The following ATP11C variants were observed in gnomAD, a reference collection of about 807,000 sequenced individuals.
The protein encoded by ATP11C is phospholipid-transporting ATPase IG.
In ATP11C, 36 loss-of-function variants were observed where a neutral mutation model predicts 97.4. The ratio of observed to expected loss-of-function variants is 0.37; its 90% CI spans 0.28 to 0.49. ATP11C has a LOEUF of 0.49. ATP11C is among the 20% of genes least tolerant of loss of function. ATP11C has a pLI of 0.98. For synonymous variants in ATP11C, 275 were observed against 290.9 expected, an observed-to-expected ratio of 0.95 and a Z score of 0.56; for missense variants, 730 against 824.6, an observed-to-expected ratio of 0.89 and a Z score of 1.40.
intron 1 of ATP11C, among the ~76,000 whole-genome samples, chrX:139,902,563 A>G (rs964774749): frequency 8.9e-6 from 1 of 112,161 alleles, no homozygotes; most frequent in Non-Finnish European, 1.9e-5. Flanking sequence ...TACAAGTGTT[A>G]GAACAGCAGG....
At chrX:139,900,474 T>C (rs2084882624) in intron 1 of ATP11C, among the ~76,000 whole-genome samples, 1 of 112,130 alleles carries the variant, frequency 8.9e-6, no homozygotes, top group Admixed American at 9.5e-5. Flanking sequence ...TTTGTCCTTT[T>C]ACAATAAACA....
chrX:139,934,027 AG>A (rs1473567860), upstream of ATP11C, among the ~76,000 whole-genome samples: 28 of 111,720 alleles, frequency 2.5e-4, no homozygotes, highest in African/African-American at 8.8e-4. Flanking sequence ...AAAGCCCTGG[AG>A]ATTAAACTAG....
chrX:139,858,997 G>C (rs1398929669), intron 1 of ATP11C, among the ~76,000 whole-genome samples: 3 of 112,340 alleles, frequency 2.7e-5, no homozygotes, highest in Non-Finnish European at 5.6e-5. Flanking sequence ...ACTTTACTTT[G>C]ATTTTAGAAA....
At chrX:139,858,540 A>C (rs903630601) in intron 1 of ATP11C, among the ~76,000 whole-genome samples, 11 of 112,362 alleles carry the variant, frequency 9.8e-5, no homozygotes, top group Non-Finnish European at 1.5e-4. Context: ...CTACAGCCCC[A>C]GACTTCTCTT....
At chrX:139,837,815 G>A (rs1357835974) in intron 1 of ATP11C, among the ~76,000 whole-genome samples, 1 of 112,141 alleles carries the variant, frequency 8.9e-6, no homozygotes, top group Non-Finnish European at 1.9e-5. Flanking sequence ...GTGTACTTGA[G>A]TATTCTACAA....
intron 7 of ATP11C, among the ~76,000 whole-genome samples, chrX:139,800,893 C>T: frequency 8.9e-6 from 1 of 112,243 alleles, no homozygotes; most frequent in South Asian, 3.7e-4. Flanking sequence ...AATATGAAGG[C>T]TTGCTCATTC....
At chrX:139,858,190 A>T (rs1479526244) in intron 1 of ATP11C, among the ~76,000 whole-genome samples, 1 of 112,628 alleles carries the variant, frequency 8.9e-6, no homozygotes, top group East Asian at 2.8e-4. Context: ...TAAGAAATCA[A>T]TTTATTTTCA....
At chrX:139,931,946 T>A in intron 1 of ATP11C, 70 bp downstream of exon 1, 2 of 1,103,676 alleles carry the variant, frequency 1.8e-6, no homozygotes, top group Non-Finnish European at 2.4e-6. Flanking sequence ...AAAATTGTTG[T>A]GAGGGACCCG....
intron 2 of ATP11C, among the ~76,000 whole-genome samples, chrX:139,822,394 G>GT (rs1232351743): frequency 3.0e-5 from 3 of 101,013 alleles, no homozygotes; most frequent in African/African-American, 4.1e-5. Context: ...TGTTTTTTGG[G>GT]TTTTTTTTGT....
chrX:139,921,315 G>C, intron 1 of ATP11C, among the ~76,000 whole-genome samples: 1 of 111,197 alleles, frequency 9.0e-6, no homozygotes. Flanking sequence ...TTTTCCCCAT[G>C]TTCTCGTGAT....
intron 26 of ATP11C, among the ~76,000 whole-genome samples, chrX:139,742,159 G>T (rs950128374): frequency 9.0e-6 from 1 of 111,523 alleles, no homozygotes; most frequent in Admixed American, 9.5e-5. Context: ...GAAAAAAGGA[G>T]GGGGGAGGCG....
At chrX:139,751,718 C>CA (rs1042958214) in intron 23 of ATP11C, among the ~76,000 whole-genome samples, 1 of 109,977 alleles carries the variant, frequency 9.1e-6, no homozygotes, top group Non-Finnish European at 1.9e-5. Context: ...AGAATATCCC[C>CA]AAAACAAACA....
chrX:139,851,812 T>G (rs777479196), intron 1 of ATP11C, among the ~76,000 whole-genome samples: 10 of 112,370 alleles, frequency 8.9e-5, no homozygotes, highest in African/African-American at 3.2e-4. Flanking sequence ...GTTTTGGACT[T>G]ACTGGGGATG....
intron 1 of ATP11C, among the ~76,000 whole-genome samples, chrX:139,908,494 T>C (rs1019078158): frequency 8.9e-6 from 1 of 112,599 alleles, no homozygotes; most frequent in Non-Finnish European, 1.9e-5. Context: ...TGTTTTTATT[T>C]ACCACTTGGT....
intron 5 of ATP11C, among the ~76,000 whole-genome samples, chrX:139,807,953 T>TAA (rs60059544): frequency 0.05 from 3,844 of 76,782 alleles, 315 homozygotes; most frequent in African/African-American, 0.18. Flanking sequence ...CCCTGTCTCT[T>TAA]AAAAAAAAAA....
chrX:139,840,706 T>C lies in ATP11C; in HGVS notation c.28-13883A>G, dbSNP rs1313333271. 4.5e-5 allele frequency among the ~76,000 whole-genome samples: 5 copies of C among 111,980 alleles called. No individual in the cohort carries two copies. The Admixed American group carries it at 4.7e-4, about 11-fold the overall frequency. On this transcript the variant is annotated intron_variant, in intron 1 of 29. Transcript: ENST00000682941. ...CAGAGGCTGGGCATAAGACAAACAT[T>C]CAAATCAGCCAGTCATGAGCTGTTC...
chrX:139,917,955 CAAAAAAAAAAAAAAA>C (rs774133039), intron 1 of ATP11C, among the ~76,000 whole-genome samples: 3 of 38,403 alleles, frequency 7.8e-5, no homozygotes, highest in African/African-American at 9.6e-5. Context: ...GGCTTTGTCT[CAAAAAAAAAAAAAAA>C]AAAAAAAAAA....
At chrX:139,759,540 T>C (rs2081998783) in intron 22 of ATP11C, among the ~76,000 whole-genome samples, 1 of 111,085 alleles carries the variant, frequency 9.0e-6, no homozygotes, top group Non-Finnish European at 1.9e-5. Flanking sequence ...AACACTAATC[T>C]AGTTGAATTA....
At chrX:139,807,112 C>A (rs898772960) in intron 5 of ATP11C, among the ~76,000 whole-genome samples, 5 of 111,045 alleles carry the variant, frequency 4.5e-5, no homozygotes, top group African/African-American at 1.6e-4. Flanking sequence ...ATGAGAAAAC[C>A]AAGAAATCAT....
Sources: gnomAD v4.1 joint callset for allele counts (sites outside exome capture counted in the v4.1 genomes callset) on GRCh38, gnomAD v4.1.1 for gene constraint, MANE v1.5 for transcripts, NCBI Gene and HGNC (gene_info 2026-07-23, HGNC 2026-07-21) for gene names.